TNFRSF11A: variants seen among roughly 807,000 people sequenced by gnomAD.
The protein encoded by TNFRSF11A is tumor necrosis factor receptor superfamily member 11A.
In TNFRSF11A, 32 loss-of-function variants were observed where a neutral mutation model predicts 55.7. The observed-to-expected ratio is 0.57, with a 90% CI of 0.43 to 0.77. The LOEUF is 0.77. Among genes scored for constraint, TNFRSF11A ranks in the 30% least tolerant of loss-of-function variants. The probability of loss-of-function intolerance (pLI) is 0.00; values close to 1 mark genes in which losing one functional copy is unlikely to be tolerated. For missense variants in TNFRSF11A, 753 were observed against 809.8 expected (o/e 0.93, Z 0.85); for synonymous variants, 311 against 331.0 (o/e 0.94, Z 0.65).
chr18:62,329,422 G>A (rs960395542), intron 1 of TNFRSF11A, among the ~76,000 whole-genome samples: 4 of 152,206 alleles, frequency 2.6e-5, no homozygotes, highest in Non-Finnish European at 4.4e-5. Context: ...GGCATGGGTA[G>A]GATTCTGCCC....
chr18:62,345,087 A>G (rs1436368492), intron 1 of TNFRSF11A, among the ~76,000 whole-genome samples: 1 of 152,184 alleles, frequency 6.6e-6, no homozygotes, highest in Non-Finnish European at 1.5e-5. Context: ...ATTTCCTAAG[A>G]GTTACAAGCA....
chr18:62,350,858 C>T (rs1250454309), intron 3 of TNFRSF11A, among the ~76,000 whole-genome samples: 1 of 151,336 alleles, frequency 6.6e-6, no homozygotes, highest in Non-Finnish European at 1.5e-5. Flanking sequence ...CTTTCTCTCC[C>T]TTCTTTCCTT....
intron 9 of TNFRSF11A, among the ~76,000 whole-genome samples, chr18:62,379,424 G>T (rs1911115470): frequency 6.6e-6 from 1 of 152,140 alleles, no homozygotes; most frequent in South Asian, 2.1e-4. Flanking sequence ...AGCTGATCTT[G>T]TCATTCAAAA....
intron 1 of TNFRSF11A, among the ~76,000 whole-genome samples, chr18:62,346,077 C>A (rs972364429): frequency 6.6e-6 from 1 of 152,180 alleles, no homozygotes; most frequent in Non-Finnish European, 1.5e-5. Context: ...TCAGGGATAT[C>A]CCATTTACCA....
At chr18:62,328,649 G>C (rs2046108523) in intron 1 of TNFRSF11A, among the ~76,000 whole-genome samples, 1 of 152,176 alleles carries the variant, frequency 6.6e-6, no homozygotes, top group Non-Finnish European at 1.5e-5. Context: ...GTGACTCTGG[G>C]TCATAGGGTG....
At chr18:62,380,802 ATTC>A (rs201792941) in intron 9 of TNFRSF11A, among the ~76,000 whole-genome samples, 55 of 128,174 alleles carry the variant, frequency 4.3e-4, no homozygotes, top group Non-Finnish European at 5.5e-4. Flanking sequence ...CAAAAATAAT[ATTC>A]TTTTTTTTTT....
chr18:62,350,174 A>G (rs2046445154), intron 3 of TNFRSF11A, among the ~76,000 whole-genome samples: 1 of 152,254 alleles, frequency 6.6e-6, no homozygotes, highest in Non-Finnish European at 1.5e-5. Context: ...GGGACACATC[A>G]TAGACTTGAC....
chr18:62,341,510 C>G (rs547554143), intron 1 of TNFRSF11A, among the ~76,000 whole-genome samples: 1 of 152,314 alleles, frequency 6.6e-6, no homozygotes, highest in African/African-American at 2.4e-5. Flanking sequence ...CCTTTTCCCT[C>G]TCTCCCCTCA....
intron 3 of TNFRSF11A, among the ~76,000 whole-genome samples, chr18:62,351,202 C>T (rs553058252): frequency 5.9e-5 from 9 of 151,992 alleles, no homozygotes; most frequent in African/African-American, 1.9e-4. Flanking sequence ...GAGGTTTCAC[C>T]GTGTTGGCCA....
Position 62,325,952 on chromosome 18 carries a change from T to C in TNFRSF11A, c.75+525T>C, listed in dbSNP as rs2046067816. On this transcript the variant is annotated intron_variant, in intron 1 of 9. Coordinates refer to ENST00000586569, the MANE Select transcript of TNFRSF11A (RefSeq NM_003839.4). This position sits in a 1 kb window ranked among gnomAD's most constrained non-coding sequence, Gnocchi z 4.7. ...TCGGGGACACCCCTGCCAGCTCGCCTGGAGGCCCCGCACGGCGGGGAGAGA... is the reference window on the plus strand; with the variant it reads ...TCGGGGACACCCCTGCCAGCTCGCCCGGAGGCCCCGCACGGCGGGGAGAGA... 6.6e-6 allele frequency among the ~76,000 whole-genome samples: 1 copy of C among 152,176 alleles called. No individual in the cohort carries two copies. The highest frequency in any genetic ancestry group is 2.1e-4 in the South Asian group (1 of 4,832).
intron 1 of TNFRSF11A, among the ~76,000 whole-genome samples, chr18:62,344,131 A>G (rs2046350207): frequency 6.6e-6 from 1 of 152,172 alleles, no homozygotes; most frequent in South Asian, 2.1e-4. Context: ...ACCCCAAAAG[A>G]TGGCCGGTAA....
chr18:62,366,019 T>C (rs1410339971), intron 7 of TNFRSF11A, among the ~76,000 whole-genome samples: 2 of 152,182 alleles, frequency 1.3e-5, no homozygotes, highest in East Asian at 3.8e-4. Flanking sequence ...GGTTTCACCA[T>C]GTTGGCCAGG....
intron 9 of TNFRSF11A, among the ~76,000 whole-genome samples, chr18:62,374,636 T>C (rs908950871): frequency 2.6e-5 from 4 of 152,232 alleles, no homozygotes; most frequent in African/African-American, 9.6e-5. Context: ...AAGAAAGGTA[T>C]GCATTGTCTT....
chr18:62,347,942 C>T (rs1318655958), intron 1 of TNFRSF11A, among the ~76,000 whole-genome samples: 2 of 151,368 alleles, frequency 1.3e-5, no homozygotes, highest in Non-Finnish European at 2.9e-5. Context: ...CCCTGTAATC[C>T]CAGCTACTCA....
At chr18:62,369,631 A>C in intron 9 of TNFRSF11A, 147 bp downstream of exon 9, 4 of 1,050,506 alleles carry the variant, frequency 3.8e-6, no homozygotes, top group Non-Finnish European at 5.6e-6. Context: ...TTTTTACAGG[A>C]TGGCTTTGGA....
At position 62,361,529 on chromosome 18, in the gene TNFRSF11A, G is replaced by A. The variant is rs8099222; in HGVS notation, c.617-151G>A. On this transcript the variant is annotated intron_variant, in intron 6 of 9. Transcript: ENST00000586569. ...CACCCTTTGGAATGTGAGTGCTCGC[G>A]GACAAAGGGCAGCCAAGGGTGGGGA... 173,366 of 769,898 alleles carry A rather than the reference G, an allele frequency of 0.23. 20,914 individuals are homozygous for A. The highest frequency in any genetic ancestry group is 0.37 in the Middle Eastern group (1,296 of 3,528). 47.7% of individuals were successfully genotyped at this position (769,898 alleles called of 1,614,324 possible).
At chr18:62,330,840 A>G (rs2046141508) in intron 1 of TNFRSF11A, 1 of 152,250 alleles carries the variant, frequency 6.6e-6, no homozygotes, top group African/African-American at 2.4e-5. Context: ...GGTGTTTACA[A>G]CCAATTAATC....
At chr18:62,379,067 G>T (rs1911086667) in intron 9 of TNFRSF11A, among the ~76,000 whole-genome samples, 2 of 152,222 alleles carry the variant, frequency 1.3e-5, no homozygotes, top group Admixed American at 1.3e-4. Context: ...AACAGTGTCA[G>T]TCGGTAAAGG....
At chr18:62,374,506 T>G (rs1910759059) in intron 9 of TNFRSF11A, among the ~76,000 whole-genome samples, 1 of 152,246 alleles carries the variant, frequency 6.6e-6, no homozygotes, top group South Asian at 2.1e-4. Context: ...TTTGTGTATA[T>G]TTTTAGTTCT....
Sources: allele counts gnomAD v4.1 joint callset (sites outside exome capture counted in the v4.1 genomes callset), GRCh38; gene constraint gnomAD v4.1.1; non-coding constraint Gnocchi (gnomAD v3.1); transcripts MANE v1.5; gene names NCBI Gene and HGNC (gene_info 2026-07-23, HGNC 2026-07-21).